PRPF38A: variants seen among roughly 807,000 people sequenced by gnomAD.
PRPF38A encodes pre-mRNA processing factor 38A.
Under a neutral mutation model 46.8 loss-of-function variants are expected in PRPF38A, and 11 were observed. That is an observed-to-expected ratio of 0.24 (90% CI 0.15 to 0.39). The LOEUF is 0.39. Among genes scored for constraint, PRPF38A ranks in the 10% least tolerant of loss-of-function variants. The probability of loss-of-function intolerance (pLI) is 1.00; values close to 1 mark genes in which losing one functional copy is unlikely to be tolerated. For missense variants in PRPF38A, 261 were observed against 407.5 expected (o/e 0.64, Z 3.10); for synonymous variants, 124 against 136.2 (o/e 0.91, Z 0.62).
At chr1:52,408,807 A>G (rs1395857330) in intron 3 of PRPF38A, 117 bp downstream of exon 3, 11 of 1,286,280 alleles carry the variant, frequency 8.6e-6, no homozygotes, top group Non-Finnish European at 1.1e-5. Flanking sequence ...CTACATTGTT[A>G]CTGTCTCTAT....
chr1:52,416,282 A>G (rs1648289746), intron 9 of PRPF38A, among the ~76,000 whole-genome samples: 1 of 151,566 alleles, frequency 6.6e-6, no homozygotes, highest in Non-Finnish European at 1.5e-5. Flanking sequence ...ATCCCCATCA[A>G]TGTCAGCATA....
rs1648436243 is a variant in PRPF38A, at chr1:52,420,676, A to G, written c.*3986A>G. The G allele has an allele frequency of 6.6e-6, 1 of 152,178 alleles. No individual in the cohort carries two copies. The highest frequency in any genetic ancestry group is 2.4e-5 in the African/African-American group (1 of 41,448). 9.4% of individuals were successfully genotyped at this position (152,178 alleles called of 1,614,324 possible). ...CACTTTTGTAAAACTATTTGTATATATGTGCCTGTATGATTAAGAGAGATG... is the reference window on the plus strand; with the variant it reads ...CACTTTTGTAAAACTATTTGTATATGTGTGCCTGTATGATTAAGAGAGATG... On this transcript the variant is annotated 3_prime_UTR_variant, in exon 10 of 10. Transcript: ENST00000257181.
At chr1:52,413,254 G>A (rs1339223406) in intron 5 of PRPF38A, among the ~76,000 whole-genome samples, 1 of 152,020 alleles carries the variant, frequency 6.6e-6, no homozygotes, top group Non-Finnish European at 1.5e-5. Context: ...TTAAATACTT[G>A]GAAAGAAAGA....
At chr1:52,415,716 C>T (rs1160704046) in intron 9 of PRPF38A, among the ~76,000 whole-genome samples, 1 of 151,178 alleles carries the variant, frequency 6.6e-6, no homozygotes, top group Non-Finnish European at 1.5e-5. Context: ...TCTCAGAAAA[C>T]ATGGGGTTTA....
At chr1:52,405,924 T>C (rs1043534812) in intron 2 of PRPF38A, 85 bp downstream of exon 2, 1 of 1,098,996 alleles carries the variant, frequency 9.1e-7, no homozygotes, top group Admixed American at 2.0e-5. Context: ...GTGTACACAA[T>C]GTATCTCATT....
chr1:52,413,778 G>A (rs113802992), intron 5 of PRPF38A, 101 bp from the exon 6 acceptor site: 20 of 742,286 alleles, frequency 2.7e-5, no homozygotes, highest in African/African-American at 2.6e-4. Flanking sequence ...GTCACATGGA[G>A]ATGGACTTTG....
Position 52,405,891 on chromosome 1 carries a change from G to A in PRPF38A, c.290+52G>A, listed in dbSNP as rs777548186. On this transcript the variant is annotated intron_variant, in intron 2 of 9. Coordinates refer to ENST00000257181, the MANE Select transcript of PRPF38A (RefSeq NM_032864.4). ...TAAGAGGTTTAATTTTGGCGGTTTA[G>A]AATTGGGCTTTGGTTAAGAGGGGTG... 11 of 1,530,168 alleles carry A rather than the reference G, an allele frequency of 7.2e-6. No homozygotes were observed. The African/African-American group carries it at 1.4e-4, about 19-fold the overall frequency. 94.8% of individuals were successfully genotyped at this position (1,530,168 alleles called of 1,614,324 possible).
intron 5 of PRPF38A, among the ~76,000 whole-genome samples, 161 bp downstream of exon 5, chr1:52,412,785 C>CG (rs1648182656): frequency 6.6e-6 from 1 of 152,070 alleles, no homozygotes; most frequent in Admixed American, 6.5e-5. Flanking sequence ...GGATGACCAG[C>CG]GGTCAGGAGT....
chr1:52,418,126 T>C lies in PRPF38A; in HGVS notation c.*1436T>C, dbSNP rs1423066373. The C allele has an allele frequency of 6.6e-6, 1 of 152,660 alleles. No individual in the cohort carries two copies. The highest frequency in any genetic ancestry group is 1.5e-5 in the Non-Finnish European group (1 of 68,030). 9.5% of individuals were successfully genotyped at this position (152,660 alleles called of 1,614,324 possible). A position where few individuals can be genotyped will look rare whatever the true frequency, so the allele number is the denominator to read the frequency against. ...TAAGGTAAACATTCTATATATTCTA[T>C]GCCTGCTCTAGAATTGAAAGACTTC... On this transcript the variant is annotated 3_prime_UTR_variant, in exon 10 of 10. Transcript: ENST00000257181.
intron 2 of PRPF38A, among the ~76,000 whole-genome samples, chr1:52,407,712 G>T (rs1219163882): frequency 6.6e-6 from 1 of 152,170 alleles, no homozygotes; most frequent in Non-Finnish European, 1.5e-5. Flanking sequence ...CTTGAGGTCA[G>T]GAGTTCAAGA....
At chr1:52,404,977 C>G in intron 1 of PRPF38A, 98 bp downstream of exon 1, 2 of 1,435,576 alleles carry the variant, frequency 1.4e-6, no homozygotes, top group Non-Finnish European at 1.9e-6. Context: ...GGGGGTGGTA[C>G]TGGAACGGAG....
Position 52,416,849 on chromosome 1 carries a change from T to G in PRPF38A, c.*159T>G, listed in dbSNP as rs1051852486. On this transcript the variant is annotated 3_prime_UTR_variant, in exon 10 of 10. Transcript: ENST00000257181. ...TTTTTAATGAAGGAGGTGCTGAGTT[T>G]TGTATCTTTTTAATCATAATCAACA... is the stretch of plus-strand genomic sequence containing the variant. The G allele has an allele frequency of 7.8e-6, 5 of 642,530 alleles. No homozygotes were observed. The highest frequency in any genetic ancestry group is 1.4e-5 in the Non-Finnish European group (5 of 355,178). The allele number at this position is 642,530 out of a possible 1,614,324, so 39.8% of individuals were successfully genotyped here.
rs1648432276 is a variant in PRPF38A at position 52,420,487 on chromosome 1, T to C, written c.*3797T>C. 1 of 152,054 alleles carries C rather than the reference T, an allele frequency of 6.6e-6. No homozygotes were observed. Among genetic ancestry groups the C allele is most frequent in the Admixed American group, 6.6e-5 (1 of 15,266 alleles). 9.4% of individuals were successfully genotyped at this position (152,054 alleles called of 1,614,324 possible). A position where few individuals can be genotyped will look rare whatever the true frequency, so the allele number is the denominator to read the frequency against. The stretch of plus-strand genomic sequence containing the variant: ...ACATACATGAAGCTAGAAAAAAAAA[T>C]AGCCTCTTTATTGTTTTCCGTAATT... On this transcript the variant is annotated 3_prime_UTR_variant, in exon 10 of 10. Coordinates refer to ENST00000257181, the MANE Select transcript of PRPF38A (RefSeq NM_032864.4).
chr1:52,413,034 A>G (rs1314288367), intron 5 of PRPF38A, among the ~76,000 whole-genome samples: 3 of 152,186 alleles, frequency 2.0e-5, no homozygotes, highest in Non-Finnish European at 4.4e-5. Context: ...AGCCAAAAAC[A>G]ATATTTCCTT....
At chr1:52,406,897 G>A (rs1311382244) in intron 2 of PRPF38A, among the ~76,000 whole-genome samples, 2 of 152,230 alleles carry the variant, frequency 1.3e-5, no homozygotes, top group Non-Finnish European at 2.9e-5. Flanking sequence ...TCTGGCTTCA[G>A]AGTTCATATT....
At position 52,414,542 on chromosome 1, in the gene PRPF38A, G is replaced by A. The variant is rs143104267; in HGVS notation, c.723-79G>A. On this transcript the variant is annotated intron_variant, in intron 6 of 9. Transcript: ENST00000257181. ...GTGGGTGATACAGAGAAGCGTGAAG[G>A]ATAAGATTGGGGCCGTTTTTGCAAT... 1.0e-2 allele frequency: 14,573 copies of A among 1,460,496 alleles called. 210 individuals are homozygous for A. Among genetic ancestry groups the A allele is most frequent in the Middle Eastern group, 0.034 (140 of 4,176 alleles). The allele number at this position is 1,460,496 out of a possible 1,614,324, so 90.5% of individuals were successfully genotyped here. A position where few individuals can be genotyped will look rare whatever the true frequency, so the allele number is the denominator to read the frequency against.
At chr1:52,415,315 T>C (rs1450540569) in intron 8 of PRPF38A, 23 bp from the exon 9 acceptor site, 4 of 1,611,968 alleles carry the variant, frequency 2.5e-6, no homozygotes, top group East Asian at 2.2e-5. Flanking sequence ...TAGGATCTTA[T>C]GCAATGGCCT....
intron 9 of PRPF38A, 64 bp from the exon 10 acceptor site, chr1:52,416,584 C>T (rs1360530060): frequency 3.8e-6 from 5 of 1,311,382 alleles, no homozygotes; most frequent in Non-Finnish European, 4.4e-6. Context: ...GCTGGGATTA[C>T]AGGCGTGAGC....
intron 3 of PRPF38A, among the ~76,000 whole-genome samples, chr1:52,410,227 G>A (rs1281629410): frequency 1.4e-5 from 2 of 147,932 alleles, no homozygotes; most frequent in Non-Finnish European, 3.0e-5. Flanking sequence ...GCTTGAACCC[G>A]GGAGGCGGAG....
Sources: gnomAD v4.1 joint callset for allele counts (sites outside exome capture counted in the v4.1 genomes callset) on GRCh38, gnomAD v4.1.1 for gene constraint, MANE v1.5 for transcripts, NCBI Gene and HGNC (gene_info 2026-07-23, HGNC 2026-07-21) for gene names.